ST3GAL2: variants seen among roughly 807,000 people sequenced by gnomAD.
ST3GAL2 encodes ST3 beta-galactoside alpha-2,3-sialyltransferase 2, also known as CMP-N-acetylneuraminate-beta-galactosamide-alpha-2,3-sialyltransferase 2.
In ST3GAL2, 16 loss-of-function variants were observed where a neutral mutation model predicts 37.5. The ratio of observed to expected loss-of-function variants is 0.43; its 90% CI spans 0.29 to 0.65. The LOEUF is 0.65. Among genes scored for constraint, ST3GAL2 ranks in the 30% least tolerant of loss-of-function variants. The pLI, the probability that ST3GAL2 is intolerant of heterozygous loss-of-function variation, is 0.17. For synonymous variants in ST3GAL2, 238 were observed against 202.9 expected, an observed-to-expected ratio of 1.17 and a Z score of -1.47; for missense variants, 383 against 487.8, an observed-to-expected ratio of 0.79 and a Z score of 2.02.
intron 1 of ST3GAL2, among the ~76,000 whole-genome samples, chr16:70,433,142 C>A (rs145644961): frequency 1.3e-5 from 2 of 152,214 alleles, no homozygotes; most frequent in African/African-American, 4.8e-5. Context: ...TCACCAGGCA[C>A]TGAAACTCCA....
intron 1 of ST3GAL2, among the ~76,000 whole-genome samples, chr16:70,418,995 A>AC (rs1483843992): frequency 6.6e-6 from 1 of 152,116 alleles, no homozygotes; most frequent in Non-Finnish European, 1.5e-5. Flanking sequence ...AAAGGGCCCA[A>AC]CCCGGGCGAG....
In ST3GAL2 at chr16:70,391,856, G is replaced by A. The variant is rs191815997; in HGVS notation, c.533+3126C>T. On this transcript the variant is annotated intron_variant, in intron 3 of 6. Coordinates refer to ENST00000342907, the MANE Select transcript of ST3GAL2 (RefSeq NM_006927.4). ...GCTCCTGGGCTCAATCAGTTCTCTC[G>A]CCTCAGCCTCCCAATGTAGTGGGAT... Among the ~76,000 whole-genome samples the A allele has an allele frequency of 1.7e-3, 254 of 152,240 alleles. 2 individuals carry two copies. Among genetic ancestry groups the A allele is most frequent in the African/African-American group, 5.8e-3 (243 of 41,552 alleles).
intron 1 of ST3GAL2, among the ~76,000 whole-genome samples, chr16:70,438,168 A>G (rs1323143279): frequency 1.3e-5 from 2 of 152,238 alleles, no homozygotes; most frequent in African/African-American, 2.4e-5. Context: ...GGAGTGGGTT[A>G]TGCGAAGGAG....
intron 1 of ST3GAL2, among the ~76,000 whole-genome samples, chr16:70,421,169 G>A (rs929106885): frequency 6.6e-6 from 1 of 152,230 alleles, no homozygotes; most frequent in Non-Finnish European, 1.5e-5. Context: ...TCATGGTCCC[G>A]AGCTCCAGCT....
At position 70,398,725 on chromosome 16, in the gene ST3GAL2, C is replaced by T. The variant is rs1245447171; in HGVS notation, c.-195G>A. ...GGAGAACACACGTTGGCAGGAGTGG[C>T]TGTCCTGTCCCTGAGTCAGGCGGGG... On this transcript the variant is annotated 5_prime_UTR_variant, in exon 2 of 7. Transcript: ENST00000342907. The T allele has an allele frequency of 1.6e-6, 1 of 620,552 alleles. No individual in the cohort carries two copies. The highest frequency in any genetic ancestry group is 2.0e-5 in the South Asian group (1 of 50,518). 38.4% of individuals were successfully genotyped at this position (620,552 alleles called of 1,614,324 possible). A position where few individuals can be genotyped will look rare whatever the true frequency, so the allele number is the denominator to read the frequency against.
chr16:70,427,956 A>G (rs2047762911), intron 1 of ST3GAL2, among the ~76,000 whole-genome samples: 1 of 152,010 alleles, frequency 6.6e-6, no homozygotes, highest in African/African-American at 2.4e-5. Flanking sequence ...AGCAAATCTC[A>G]TTAGATCCCC....
At chr16:70,393,108 A>G (rs1470994296) in intron 3 of ST3GAL2, among the ~76,000 whole-genome samples, 1 of 145,332 alleles carries the variant, frequency 6.9e-6, no homozygotes, top group Admixed American at 6.8e-5. Context: ...TTTTTGAGAC[A>G]GAGTTTCTCT....
In ST3GAL2 at chr16:70,398,305, T is replaced by C. The variant is rs775316049; in HGVS notation, c.226A>G (p.Met76Val). 7.4e-6 allele frequency: 12 copies of C among 1,613,284 alleles called. No individual in the cohort carries two copies. The highest frequency in any genetic ancestry group is 2.7e-5 in the African/African-American group (2 of 74,956). ...SGKSCACRRC[M>V]GDAGASDWFD... ...CAGTCGGAGGCACCGGCATCGCCCA[T>C]GCAGCGGCGACAGGCACAGCTCTTG... is the stretch of plus-strand genomic sequence containing the variant. The change falls in exon 2 of 7, where the codon ATG (methionine) becomes GTG (valine). Residue 76 changes from methionine (M) to valine (V), a missense_variant. Met to Val is a conservative substitution (Grantham distance 21, BLOSUM62 1). This residue lies in a region of ST3GAL2 where 223 missense variants were observed against 239.1 expected (regional missense o/e 0.93). Transcript: ENST00000342907.
chr16:70,432,688 G>C (rs556740978), intron 1 of ST3GAL2, among the ~76,000 whole-genome samples: 1 of 152,138 alleles, frequency 6.6e-6, no homozygotes, highest in African/African-American at 2.4e-5. Flanking sequence ...ATGTCACTTG[G>C]AGATGTCTAC....
rs111836051 is a variant in ST3GAL2 at position 70,386,773 on chromosome 16, G to A, written c.713+1594C>T. Among the ~76,000 whole-genome samples the A allele has an allele frequency of 7.3e-4, 111 of 152,148 alleles. 1 individual carries two copies. The highest frequency in any genetic ancestry group is 2.5e-3 in the African/African-American group (102 of 41,534). ...CGATTCTCCTGTCTCAGCGTCCTGAGTAGCTGAGATTACAGGCGCATGCCA... is the reference window on the plus strand; with the variant it reads ...CGATTCTCCTGTCTCAGCGTCCTGAATAGCTGAGATTACAGGCGCATGCCA... On this transcript the variant is annotated intron_variant, in intron 4 of 6. Transcript: ENST00000342907.
intron 1 of ST3GAL2, among the ~76,000 whole-genome samples, chr16:70,415,407 G>A (rs1034070304): frequency 3.9e-5 from 6 of 152,132 alleles, no homozygotes; most frequent in African/African-American, 1.4e-4. Context: ...CACAAGAAAC[G>A]GATAAACCTA....
chr16:70,413,801 C>T (rs960927758), intron 1 of ST3GAL2, among the ~76,000 whole-genome samples: 1 of 151,198 alleles, frequency 6.6e-6, no homozygotes, highest in Non-Finnish European at 1.5e-5. Flanking sequence ...AGCTTTAGCC[C>T]CAGGAAATGG....
chr16:70,402,878 T>C (rs1351570419), intron 1 of ST3GAL2, among the ~76,000 whole-genome samples: 1 of 152,180 alleles, frequency 6.6e-6, no homozygotes, highest in East Asian at 1.9e-4. Context: ...CTTTAACTCC[T>C]GACCTCAGGT....
rs970130272 is a variant in ST3GAL2 at position 70,380,885 on chromosome 16, G to C, written c.*804C>G. ...TCGGGGGACGGGATTTTTTTCCAGA[G>C]CAACAGGTAGGCTGGTGAGGAGGCC... On this transcript the variant is annotated 3_prime_UTR_variant, in exon 7 of 7. Transcript: ENST00000342907. 1 of 154,082 alleles carries C rather than the reference G, an allele frequency of 6.5e-6. No homozygotes were observed. The highest frequency in any genetic ancestry group is 2.4e-5 in the African/African-American group (1 of 41,502). The allele number at this position is 154,082 out of a possible 1,614,324, so 9.5% of individuals were successfully genotyped here.
chr16:70,399,003 A>G lies in ST3GAL2; in HGVS notation c.-473T>C, dbSNP rs1369061981. 1 of 414,526 alleles carries G rather than the reference A, an allele frequency of 2.4e-6. No homozygotes were observed. Among genetic ancestry groups the G allele is most frequent in the African/African-American group, 2.0e-5 (1 of 48,990 alleles). The allele number at this position is 414,526 out of a possible 1,614,324, so 25.7% of individuals were successfully genotyped here. A position where few individuals can be genotyped will look rare whatever the true frequency, so the allele number is the denominator to read the frequency against. On this transcript the variant is annotated 5_prime_UTR_variant, in exon 2 of 7. Transcript: ENST00000342907. ...TTCCCGGCAGCGGGGAAGCCCTAGA[A>G]CTCCAATCACAACAGAGAGCACAGG...
intron 2 of ST3GAL2, among the ~76,000 whole-genome samples, chr16:70,396,240 G>GATTACTTTTACTCAAAAGTAA (rs1227166642): frequency 6.9e-6 from 1 of 145,000 alleles, no homozygotes; most frequent in Non-Finnish European, 1.5e-5. Flanking sequence ...AAGGTGGTGG[G>GATTACTTTTACTCAAAAGTAA]ATTACTTTTA....
At position 70,409,702 on chromosome 16, in the gene ST3GAL2, G is replaced by A. The variant is rs541801231; in HGVS notation, c.-1003-10169C>T. Among the ~76,000 whole-genome samples the A allele has an allele frequency of 3.1e-4, 47 of 151,728 alleles. 1 individual carries two copies. Among genetic ancestry groups the A allele is most frequent in the South Asian group, 6.3e-4 (3 of 4,794 alleles). ...CTGCCCAGACTGGAATGCCGGTGGC[G>A]CAATCACAGTTGACTGTAGACTCGA... is the stretch of plus-strand genomic sequence containing the variant. On this transcript the variant is annotated intron_variant, in intron 1 of 6. Coordinates refer to ENST00000342907, the MANE Select transcript of ST3GAL2 (RefSeq NM_006927.4).
At chr16:70,437,504 C>A (rs1309825630) in intron 1 of ST3GAL2, among the ~76,000 whole-genome samples, 10 of 143,490 alleles carry the variant, frequency 7.0e-5, no homozygotes, top group Admixed American at 6.8e-4. Context: ...TCTGCCCCCC[C>A]CGCAAAAAAA....
intron 1 of ST3GAL2, among the ~76,000 whole-genome samples, chr16:70,405,540 T>TAA (rs58998342): frequency 1.2e-4 from 12 of 101,458 alleles, no homozygotes; most frequent in East Asian, 8.7e-4. Flanking sequence ...GACTCCGTCT[T>TAA]AAAAAAAAAA....
Sources: allele counts gnomAD v4.1 joint callset (sites outside exome capture counted in the v4.1 genomes callset), GRCh38; gene constraint gnomAD v4.1.1; regional missense constraint gnomAD v4.1.1; transcripts MANE v1.5; gene names NCBI Gene and HGNC (gene_info 2026-07-23, HGNC 2026-07-21).